The following ZNF385D variants were observed in gnomAD, a reference collection of about 807,000 sequenced individuals.
ZNF385D encodes zinc finger protein 659.
ZNF385D carries 15 observed loss-of-function variants against 35.8 expected under a neutral mutation model. That is an observed-to-expected ratio of 0.42 (90% CI 0.28 to 0.64). The LOEUF is 0.64. Among genes scored for constraint, ZNF385D ranks in the 30% least tolerant of loss-of-function variants. ZNF385D has a pLI of 0.23. For synonymous variants in ZNF385D, 212 were observed against 186.8 expected, an observed-to-expected ratio of 1.13 and a Z score of -1.10; for missense variants, 474 against 494.6, an observed-to-expected ratio of 0.96 and a Z score of 0.39.
chr3:22,234,337 G>C (rs540520595), intron 2 of ZNF385D, among the ~76,000 whole-genome samples: 1 of 152,082 alleles, frequency 6.6e-6, no homozygotes, highest in Non-Finnish European at 1.5e-5. Context: ...AAACCACAAA[G>C]ATCACCCTAG....
intron 3 of ZNF385D, among the ~76,000 whole-genome samples, chr3:21,866,069 A>G (rs9874883): frequency 0.039 from 5,999 of 152,128 alleles, 305 homozygotes; most frequent in African/African-American, 0.11. Context: ...ATGTGTATGT[A>G]CAAATATACA....
At chr3:22,301,996 C>T (rs1559507704) in intron 2 of ZNF385D, among the ~76,000 whole-genome samples, 1 of 152,000 alleles carries the variant, frequency 6.6e-6, no homozygotes, top group African/African-American at 2.4e-5. Flanking sequence ...GTGCACACTT[C>T]ATTTTTTCAT....
At chr3:22,172,863 A>G (rs1483490152) in intron 2 of ZNF385D, among the ~76,000 whole-genome samples, 1 of 152,234 alleles carries the variant, frequency 6.6e-6, no homozygotes, top group African/African-American at 2.4e-5. Context: ...AAAGCGGGAT[A>G]GGGCACAACA....
intron 3 of ZNF385D, among the ~76,000 whole-genome samples, chr3:21,795,855 A>G (rs2125672938): frequency 6.6e-6 from 1 of 152,376 alleles, no homozygotes; most frequent in Non-Finnish European, 1.5e-5. Flanking sequence ...CTCAATGGCA[A>G]ACAGAAAATA....
At chr3:21,997,669 T>C (rs1158772593) in intron 3 of ZNF385D, among the ~76,000 whole-genome samples, 1 of 152,076 alleles carries the variant, frequency 6.6e-6, no homozygotes, top group African/African-American at 2.4e-5. Flanking sequence ...TCTTTCACAT[T>C]TCTCTCTTTC....
chr3:21,857,912 G>A (rs2670242), intron 3 of ZNF385D, among the ~76,000 whole-genome samples: 131,439 of 151,842 alleles, frequency 0.87, 57,129 homozygotes, highest in Middle Eastern at 0.92. Flanking sequence ...ATGCAAGGCA[G>A]TGTCCTTTAA....
Position 22,107,312 on chromosome 3 carries a change from C to T in ZNF385D, c.325+61505G>A, listed in dbSNP as rs372735842. On this transcript the variant is annotated intron_variant, in intron 3 of 5. Coordinates refer to the ZNF385D transcript ENST00000494108. Reference sequence around the variant, plus strand: ...TGCTGGGATTACAGGCACGAGCCACCGCACCAAGCCTGGAATATTAGTTTT... The same window carrying T: ...TGCTGGGATTACAGGCACGAGCCACTGCACCAAGCCTGGAATATTAGTTTT... 9.2e-5 allele frequency among the ~76,000 whole-genome samples: 14 copies of T among 151,994 alleles called. No individual in the cohort carries two copies. In the East Asian group the frequency reaches 1.4e-3, roughly 15 times the overall value.
intron 4 of ZNF385D, among the ~76,000 whole-genome samples, chr3:21,507,162 A>C (rs1404064172): frequency 6.6e-6 from 1 of 152,128 alleles, no homozygotes; most frequent in African/African-American, 2.4e-5. Context: ...TTACAATGAA[A>C]ATTTAGTTTC....
intron 2 of ZNF385D, among the ~76,000 whole-genome samples, chr3:22,290,213 T>C (rs926105163): frequency 6.6e-6 from 1 of 152,104 alleles, no homozygotes; most frequent in Non-Finnish European, 1.5e-5. Flanking sequence ...AGCTGGGTGT[T>C]GGGAATTCCT....
At chr3:21,605,472 T>C (rs1018090785) in intron 2 of ZNF385D, among the ~76,000 whole-genome samples, 1 of 149,836 alleles carries the variant, frequency 6.7e-6, no homozygotes, top group South Asian at 2.1e-4. Flanking sequence ...TGTAGGGAAC[T>C]AAGTGTGTGC....
intron 1 of ZNF385D, among the ~76,000 whole-genome samples, chr3:21,689,215 C>A (rs961545342): frequency 2.6e-5 from 4 of 151,136 alleles, no homozygotes; most frequent in Admixed American, 6.6e-5. Flanking sequence ...TGCCTATGCT[C>A]TAATAAAATA....
intron 4 of ZNF385D, among the ~76,000 whole-genome samples, chr3:21,455,048 AAGG>A (rs1290012486): frequency 6.6e-5 from 10 of 152,206 alleles, no homozygotes; most frequent in Non-Finnish European, 1.5e-4. Flanking sequence ...GGACCTCTTC[AAGG>A]AGAACTACAA....
At chr3:21,604,749 G>C (rs557368579) in intron 2 of ZNF385D, among the ~76,000 whole-genome samples, 80 of 152,248 alleles carry the variant, frequency 5.3e-4, no homozygotes, top group African/African-American at 1.9e-3. Flanking sequence ...TGAGTAGGTG[G>C]TAAGGAAATG....
At chr3:21,437,320 G>T in intron 4 of ZNF385D, 117 bp from the exon 5 acceptor site, 1 of 980,956 alleles carries the variant, frequency 1.0e-6, no homozygotes, top group Non-Finnish European at 1.5e-6. Context: ...GCTAGCAATT[G>T]CTGTTTGTCA....
intron 3 of ZNF385D, among the ~76,000 whole-genome samples, chr3:22,089,081 G>T (rs1438185194): frequency 1.3e-5 from 2 of 152,096 alleles, no homozygotes; most frequent in East Asian, 3.9e-4. Context: ...CCAAGAAAAA[G>T]ATACATTTTC....
intron 4 of ZNF385D, among the ~76,000 whole-genome samples, chr3:21,471,315 A>T (rs998021685): frequency 7.3e-4 from 103 of 141,394 alleles, no homozygotes; most frequent in African/African-American, 2.7e-3. Flanking sequence ...ACACACACAC[A>T]CACACACACA....
At chr3:21,583,592 T>C (rs946300899) in intron 2 of ZNF385D, among the ~76,000 whole-genome samples, 1 of 152,158 alleles carries the variant, frequency 6.6e-6, no homozygotes, top group African/African-American at 2.4e-5. Context: ...CATGCTAATA[T>C]ATTTAAATCT....
chr3:22,203,477 AAAG>A (rs1696941735), intron 2 of ZNF385D, among the ~76,000 whole-genome samples: 1 of 152,108 alleles, frequency 6.6e-6, no homozygotes, highest in South Asian at 2.1e-4. Flanking sequence ...AAAGCAGAGG[AAAG>A]AATAAAAGGA....
rs538057711 is a variant in ZNF385D at position 21,742,395 on chromosome 3, C to G, written c.22+8500G>C. Among the ~76,000 whole-genome samples the G allele has an allele frequency of 7.2e-5, 11 of 152,316 alleles. No individual in the cohort carries two copies. In the East Asian group the frequency reaches 2.1e-3, roughly 29 times the overall value. On this transcript the variant is annotated intron_variant, in intron 1 of 7. Transcript: ENST00000281523. ...TACTTGAGGTGGCTTTGCAGAAATACTCTCCCATTTAAATTGCTACTTATA... is the reference window on the plus strand; with the variant it reads ...TACTTGAGGTGGCTTTGCAGAAATAGTCTCCCATTTAAATTGCTACTTATA...
Sources: gnomAD v4.1 joint callset for allele counts (sites outside exome capture counted in the v4.1 genomes callset) on GRCh38, gnomAD v4.1.1 for gene constraint, MANE v1.5 for transcripts, NCBI Gene and HGNC (gene_info 2026-07-23, HGNC 2026-07-21) for gene names.